Variants in LRRC37A2 observed in about 807,000 individuals in gnomAD.
LRRC37A2 encodes the protein leucine rich repeat containing 37 member A2, also known as leucine-rich repeat-containing protein 37A2.
In LRRC37A2, 9 loss-of-function variants were observed where a neutral mutation model predicts 68.8. The ratio of observed to expected loss-of-function variants is 0.13; its 90% CI spans 0.08 to 0.23. The LOEUF (loss-of-function observed/expected upper bound fraction) is 0.23. Ranked by LOEUF, LRRC37A2 falls within the 10% of genes least tolerant of loss-of-function variation. The pLI is 1.00. For missense variants in LRRC37A2, 168 were observed against 950.4 expected (o/e 0.18, Z 10.82); for synonymous variants, 63 against 367.6 (o/e 0.17, Z 9.48).
the LRRC37A2 span, chr17:46,763,418 T>G: frequency 6.6e-6 from 1 of 152,194 alleles, no homozygotes; most frequent in Non-Finnish European, 1.5e-5. Flanking sequence ...CCTTGGGAAC[T>G]GCATGGATGG....
At chr17:46,548,629 G>C in exon 10 of LRRC37A2, 13 of 1,602,768 alleles carry the variant, frequency 8.1e-6, no homozygotes, top group Non-Finnish European at 1.1e-5. Context: ...CCGGCAGAGA[G>C]TGAAGAGAGT....
At chr17:46,900,310 G>A in the LRRC37A2 span, among the ~76,000 whole-genome samples, 21 of 150,836 alleles carry the variant, frequency 1.4e-4, no homozygotes, top group Middle Eastern at 3.4e-3. Flanking sequence ...GAGTGGAGTC[G>A]CATGATCTTG....
the LRRC37A2 span, chr17:46,833,268 G>T: frequency 2.2e-6 from 1 of 463,542 alleles, no homozygotes; most frequent in East Asian, 6.4e-5. Flanking sequence ...TGAGCTCCCT[G>T]GGTGATGGCT....
the LRRC37A2 span, among the ~76,000 whole-genome samples, chr17:46,866,452 G>A: frequency 6.6e-6 from 1 of 152,052 alleles, no homozygotes; most frequent in African/African-American, 2.4e-5. Flanking sequence ...GTGGATGTGT[G>A]TGTGAGGGAG....
chr17:46,709,645 C>G, the LRRC37A2 span, among the ~76,000 whole-genome samples: 2 of 152,038 alleles, frequency 1.3e-5, no homozygotes, highest in Non-Finnish European at 2.9e-5. Flanking sequence ...CAGGCACACA[C>G]CACCACACCC....
At chr17:46,891,918 C>CTTTTTTTTTTTTTTTTT in the LRRC37A2 span, among the ~76,000 whole-genome samples, 1 of 71,818 alleles carries the variant, frequency 1.4e-5, no homozygotes, top group African/African-American at 5.4e-5. Flanking sequence ...CTTTTCTTTT[C>CTTTTTTTTTTTTTTTTT]TTTTTTTTTT....
At chr17:46,859,346 GC>G in the LRRC37A2 span, among the ~76,000 whole-genome samples, 1 of 152,288 alleles carries the variant, frequency 6.6e-6, no homozygotes, top group East Asian at 1.9e-4. Flanking sequence ...GGAGTAAGGG[GC>G]AAGCTTATTA....
At chr17:46,906,237 C>T in the LRRC37A2 span, among the ~76,000 whole-genome samples, 1 of 152,126 alleles carries the variant, frequency 6.6e-6, no homozygotes, top group Non-Finnish European at 1.5e-5. Flanking sequence ...GAGTCAAGGC[C>T]TTCACCCAGC....
At chr17:46,516,502 A>T (rs1420501874) in intron 2 of LRRC37A2, among the ~76,000 whole-genome samples, 1 of 144,142 alleles carries the variant, frequency 6.9e-6, no homozygotes, top group Non-Finnish European at 1.5e-5. Context: ...TAAATAGGAG[A>T]AAAATGGGAG....
At chr17:46,942,836 A>T in the LRRC37A2 span, among the ~76,000 whole-genome samples, 1 of 152,068 alleles carries the variant, frequency 6.6e-6, no homozygotes, top group Admixed American at 6.5e-5. Context: ...TTTCATATGG[A>T]AGGCACATGG....
At chr17:46,994,131 TC>T in the LRRC37A2 span, among the ~76,000 whole-genome samples, 13 of 151,662 alleles carry the variant, frequency 8.6e-5, no homozygotes, top group Non-Finnish European at 1.6e-4. Flanking sequence ...ATGCCCATAA[TC>T]CCGGGACTTT....
the LRRC37A2 span, chr17:46,818,645 G>C: frequency 6.6e-7 from 1 of 1,512,894 alleles, no homozygotes; most frequent in South Asian, 1.2e-5. Context: ...TGAAGAGGGG[G>C]AGCGACGCCC....
chr17:46,966,449 G>A, the LRRC37A2 span: 147 of 614,562 alleles, frequency 2.4e-4, 1 homozygote, highest in South Asian at 1.3e-4. Context: ...CTGGGCTTAA[G>A]CAATCCTCCC....
chr17:46,946,479 AG>A, the LRRC37A2 span, among the ~76,000 whole-genome samples: 3 of 142,368 alleles, frequency 2.1e-5, no homozygotes, highest in Non-Finnish European at 4.6e-5. Flanking sequence ...AAAAAAAAAA[AG>A]TAGGTGGCCT....
At chr17:47,032,577 CCT>C in the LRRC37A2 span, among the ~76,000 whole-genome samples, 1 of 151,854 alleles carries the variant, frequency 6.6e-6, no homozygotes, top group African/African-American at 2.4e-5. Context: ...GCTCCACTTC[CCT>C]CTGAGAATCC....
At chr17:46,827,788 C>T in the LRRC37A2 span, among the ~76,000 whole-genome samples, 1 of 150,790 alleles carries the variant, frequency 6.6e-6, no homozygotes, top group Non-Finnish European at 1.5e-5. Flanking sequence ...TTTCTTTTCT[C>T]TTTTTTTGAG....
chr17:46,728,797 TG>T, the LRRC37A2 span: 1 of 1,138,116 alleles, frequency 8.8e-7, no homozygotes, highest in Non-Finnish European at 1.3e-6. Flanking sequence ...AAAAACTGAA[TG>T]TTTGGAATAT....
the LRRC37A2 span, among the ~76,000 whole-genome samples, chr17:46,899,970 T>C: frequency 1.3e-5 from 2 of 151,424 alleles, no homozygotes; most frequent in African/African-American, 2.4e-5. Flanking sequence ...TTCAGGGACC[T>C]TGGACAAGTC....
At chr17:46,762,116 T>C in the LRRC37A2 span, among the ~76,000 whole-genome samples, 2 of 152,352 alleles carry the variant, frequency 1.3e-5, no homozygotes, top group African/African-American at 4.8e-5. Flanking sequence ...TCCCATTAAA[T>C]GGAGTTGAAA....
Sources: gnomAD v4.1 joint callset for allele counts (sites outside exome capture counted in the v4.1 genomes callset) on GRCh38, gnomAD v4.1.1 for gene constraint, MANE v1.5 for transcripts, NCBI Gene and HGNC (gene_info 2026-07-23, HGNC 2026-07-21) for gene names.